The following DPF3 variants were observed in gnomAD, a reference collection of about 807,000 sequenced individuals.
DPF3 encodes zinc finger protein DPF3.
Under a neutral mutation model 56.8 loss-of-function variants are expected in DPF3, and 18 were observed. The observed-to-expected ratio is 0.32, with a 90% CI of 0.22 to 0.47. The LOEUF is 0.47. Among genes scored for constraint, DPF3 ranks in the 20% least tolerant of loss-of-function variants. The pLI, the probability that DPF3 is intolerant of heterozygous loss-of-function variation, is 1.00. For missense variants in DPF3, 403 were observed against 488.8 expected (o/e 0.82, Z 1.65); for synonymous variants, 188 against 180.2 (o/e 1.04, Z -0.35).
intron 8 of DPF3, among the ~76,000 whole-genome samples, chr14:72,664,253 T>G (rs1172234594): frequency 6.6e-6 from 1 of 152,068 alleles, no homozygotes; most frequent in African/African-American, 2.4e-5. Flanking sequence ...TGGTCAGATG[T>G]TACCTGCCAC....
At position 72,794,232 on chromosome 14, in the gene DPF3, G is replaced by C. The variant is rs557544173; in HGVS notation, c.33-22339C>G. 3.9e-5 allele frequency among the ~76,000 whole-genome samples: 6 copies of C among 152,176 alleles called. No homozygotes were observed. The South Asian group carries it at 8.3e-4, about 21-fold the overall frequency. On this transcript the variant is annotated intron_variant, in intron 1 of 10. Transcript: ENST00000556509. Reference sequence around the variant, plus strand: ...GAACAAATGAGGTGACCTCACTATGGGTGATCAGTAAATATTAGTGGTTAT... The same window carrying C: ...GAACAAATGAGGTGACCTCACTATGCGTGATCAGTAAATATTAGTGGTTAT...
chr14:72,885,075 G>A (rs1313995783), intron 1 of DPF3, among the ~76,000 whole-genome samples: 2 of 142,984 alleles, frequency 1.4e-5, no homozygotes, highest in Non-Finnish European at 3.0e-5. Context: ...GCAGTGAGCC[G>A]AGATCGCGAC....
chr14:72,890,522 A>AATAATAATAATAATAATG (rs1555517361), intron 1 of DPF3, among the ~76,000 whole-genome samples: 9 of 151,422 alleles, frequency 5.9e-5, no homozygotes, highest in African/African-American at 2.2e-4. Flanking sequence ...TAATAATAAT[A>AATAATAATAATAATAATG]GCATTATGTT....
rs183166786 is a variant in DPF3, at chr14:72,743,574, T to C, written c.301+9690A>G. Among the ~76,000 whole-genome samples, 9 of 150,180 alleles carry C rather than the reference T, an allele frequency of 6.0e-5. No individual in the cohort carries two copies. The East Asian group carries it at 1.6e-3, about 26-fold the overall frequency. ...TCAAGGGGACACAAGTAAAAGTTTG[T>C]TCCCAGCCTTTGTCTTTTCTTCATT... On this transcript the variant is annotated intron_variant, in intron 3 of 10. Transcript: ENST00000556509.
rs1277394039 is a variant in DPF3 at position 72,772,710 on chromosome 14, C to T, written c.33-817G>A. Among the ~76,000 whole-genome samples the T allele has an allele frequency of 3.9e-5, 6 of 152,064 alleles. No individual in the cohort carries two copies. The East Asian group carries it at 9.6e-4, about 24-fold the overall frequency. ...ACTAATTTTAAGGTAGTGTCCTTTT[C>T]AAAGACCAAAAATGGAGCATTGATA... On this transcript the variant is annotated intron_variant, in intron 1 of 10. Coordinates refer to ENST00000556509, the MANE Select transcript of DPF3 (RefSeq NM_001280542.3).
At chr14:72,867,182 A>C (rs1885707580) in intron 1 of DPF3, among the ~76,000 whole-genome samples, 1 of 152,114 alleles carries the variant, frequency 6.6e-6, no homozygotes, top group African/African-American at 2.4e-5. Flanking sequence ...CAGGTGTAAC[A>C]GCTTTTTATA....
At chr14:72,805,468 C>T (rs138827300) in intron 1 of DPF3, among the ~76,000 whole-genome samples, 11,236 of 147,820 alleles carry the variant, frequency 0.076, 681 homozygotes, top group South Asian at 0.21. Flanking sequence ...GAAACTCTAC[C>T]TCCAAAAAAA....
intron 7 of DPF3, among the ~76,000 whole-genome samples, chr14:72,678,369 C>T (rs996861152): frequency 1.3e-5 from 2 of 152,114 alleles, no homozygotes; most frequent in African/African-American, 2.4e-5. Context: ...TTATTGAGAC[C>T]GGCCTGATAA....
intron 3 of DPF3, chr14:72,742,468 C>CTTCCAT (rs1890166218): frequency 6.6e-6 from 1 of 151,908 alleles, no homozygotes; most frequent in Non-Finnish European, 1.5e-5. Context: ...CGGGTCCCTT[C>CTTCCAT]CTCCATCTCC....
intron 1 of DPF3, among the ~76,000 whole-genome samples, chr14:72,809,967 G>A (rs1882964141): frequency 6.6e-6 from 1 of 152,116 alleles, no homozygotes; most frequent in African/African-American, 2.4e-5. Context: ...TGCTTCTTGG[G>A]GTTATTTAGA....
chr14:72,637,784 C>G, intron 8 of DPF3, among the ~76,000 whole-genome samples: 1 of 151,962 alleles, frequency 6.6e-6, no homozygotes, highest in Admixed American at 6.5e-5. Context: ...CTAAAGTTTG[C>G]CAGCTAAAAC....
chr14:72,707,174 G>C (rs539228843), intron 6 of DPF3, among the ~76,000 whole-genome samples: 1 of 152,242 alleles, frequency 6.6e-6, no homozygotes, highest in East Asian at 1.9e-4. Flanking sequence ...TTTTATGGCT[G>C]CATAGTATTC....
intron 6 of DPF3, among the ~76,000 whole-genome samples, chr14:72,707,062 T>G (rs1014719656): frequency 6.6e-6 from 1 of 151,568 alleles, no homozygotes; most frequent in Non-Finnish European, 1.5e-5. Flanking sequence ...CACCTATGAG[T>G]GAGAATATGC....
intron 1 of DPF3, among the ~76,000 whole-genome samples, chr14:72,893,021 A>AAGGAAGGCAGGCAGGCAGGC (rs1567273912): frequency 4.4e-5 from 6 of 135,560 alleles, no homozygotes; most frequent in South Asian, 2.5e-4. Context: ...GGAAGGAAGG[A>AAGGAAGGCAGGCAGGCAGGC]AGGATGAAAA....
chr14:72,818,072 C>T (rs1166626220), intron 1 of DPF3, among the ~76,000 whole-genome samples: 1 of 151,920 alleles, frequency 6.6e-6, no homozygotes, highest in African/African-American at 2.4e-5. Flanking sequence ...ATGGTGAAAC[C>T]CCTATTAAAA....
intron 7 of DPF3, among the ~76,000 whole-genome samples, chr14:72,688,557 G>C (rs1024028509): frequency 4.6e-5 from 7 of 152,176 alleles, no homozygotes. Context: ...TTCTAGTCCA[G>C]AGCTCTTTCT....
intron 1 of DPF3, among the ~76,000 whole-genome samples, chr14:72,818,000 C>T (rs1191713402): frequency 6.6e-6 from 1 of 152,084 alleles, no homozygotes; most frequent in African/African-American, 2.4e-5. Flanking sequence ...AATCCCAGCA[C>T]TTTGGGAGGC....
rs578136668 is a variant in DPF3 at position 72,753,271 on chromosome 14, T to C, written c.294A>G (p.Ile98Met). ...PEDPKLRLLE[I>M]KPEVELPLKK... Reference sequence around the variant, plus strand: ...GCTCCAGAGGGCACTGACCAGGTTTTATCTCCAGCAGCCGCAGTTTTGGAT... The same window carrying C: ...GCTCCAGAGGGCACTGACCAGGTTTCATCTCCAGCAGCCGCAGTTTTGGAT... Residue 98 changes from isoleucine to methionine, a missense_variant, in exon 3 of 11, where the codon ATA becomes ATG. Physicochemically the swap from Ile to Met is conservative, Grantham distance 10 (BLOSUM62 1). Coordinates refer to ENST00000556509, the MANE Select transcript of DPF3 (RefSeq NM_001280542.3). The C allele has an allele frequency of 6.2e-7, 1 of 1,613,672 alleles. No individual in the cohort carries two copies. Among genetic ancestry groups the C allele is most frequent in the Non-Finnish European group, 8.5e-7 (1 of 1,179,800 alleles).
chr14:72,881,948 AG>A (rs111282039), intron 1 of DPF3, among the ~76,000 whole-genome samples: 15,927 of 152,210 alleles, frequency 0.1, 928 homozygotes, highest in East Asian at 0.15. Flanking sequence ...GGGTAAGTGA[AG>A]GGGGGGAAGA....
Sources: gnomAD v4.1 joint callset for allele counts (sites outside exome capture counted in the v4.1 genomes callset) on GRCh38, gnomAD v4.1.1 for gene constraint, MANE v1.5 for transcripts, NCBI Gene and HGNC (gene_info 2026-07-23, HGNC 2026-07-21) for gene names.